CUX1: variants seen among roughly 807,000 people sequenced by gnomAD.
CUX1 encodes the protein protein CASP.
In CUX1, 31 loss-of-function variants were observed where a neutral mutation model predicts 158.8. That is an observed-to-expected ratio of 0.20 (90% CI 0.15 to 0.26). The LOEUF (loss-of-function observed/expected upper bound fraction) is 0.26. CUX1 is among the 10% of genes least tolerant of loss of function. The pLI is 1.00. For synonymous variants in CUX1, 879 were observed against 862.1 expected, an observed-to-expected ratio of 1.02 and a Z score of -0.34; for missense variants, 1,589 against 2,014.6, an observed-to-expected ratio of 0.79 and a Z score of 4.04.
chr7:102,022,212 C>T (rs1819460805), intron 2 of CUX1, among the ~76,000 whole-genome samples: 1 of 152,182 alleles, frequency 6.6e-6, no homozygotes, highest in African/African-American at 2.4e-5. Flanking sequence ...TTTGCTTTTA[C>T]ATCAGAATGG....
rs1192072134 is a variant in CUX1 at position 101,939,055 on chromosome 7, ATACATATATATATATATATATAT to A, written c.141+22831_141+22853del. Among the ~76,000 whole-genome samples the A allele has an allele frequency of 3.7e-4, 29 of 77,466 alleles. 1 individual carries two copies. Among genetic ancestry groups the A allele is most frequent in the Non-Finnish European group, 3.1e-4 (14 of 44,582 alleles). The allele number at this position is 77,466 out of a possible 152,430, so 50.8% of individuals were successfully genotyped here. ...AAACTCTGTCTCAAAAAAAAAAAAA[ATACATATATATATATATATATAT>A]ATATATATATATATATATATATATA... is the stretch of plus-strand genomic sequence containing the variant. On this transcript the variant is annotated intron_variant, in intron 2 of 23. Coordinates refer to ENST00000292535, the MANE Select transcript of CUX1 (RefSeq NM_181552.4).
intron 8 of CUX1, among the ~76,000 whole-genome samples, chr7:102,119,670 C>T (rs1704937549): frequency 6.6e-6 from 1 of 152,166 alleles, no homozygotes; most frequent in Non-Finnish European, 1.5e-5. Context: ...CGATTATAAC[C>T]ATTTCTGGGT....
At chr7:102,133,271 C>A (rs1833524137) in intron 8 of CUX1, among the ~76,000 whole-genome samples, 1 of 152,022 alleles carries the variant, frequency 6.6e-6, no homozygotes, top group Admixed American at 6.6e-5. Context: ...CCAGGCCTTT[C>A]TTTCCCCAGC....
intron 3 of CUX1, among the ~76,000 whole-genome samples, chr7:102,045,377 C>T (rs1177818798): frequency 1.3e-5 from 2 of 152,244 alleles, no homozygotes; most frequent in African/African-American, 4.8e-5. Context: ...GCGCTCTCAG[C>T]AGTCTATTAA....
chr7:102,153,622 A>G (rs376042809), intron 8 of CUX1: 1 of 152,212 alleles, frequency 6.6e-6, no homozygotes, highest in South Asian at 2.1e-4. Context: ...CTTCCTTCCT[A>G]TGTTCGGCAG....
At chr7:102,175,372 CAG>C (rs1554511561) in intron 10 of CUX1, among the ~76,000 whole-genome samples, 2 of 152,208 alleles carry the variant, frequency 1.3e-5, no homozygotes, top group Admixed American at 6.5e-5. Context: ...CAGCACCCCT[CAG>C]GGTGGAAGAT....
At chr7:102,182,115 T>G (rs1212894197) in intron 11 of CUX1, among the ~76,000 whole-genome samples, 1 of 152,220 alleles carries the variant, frequency 6.6e-6, no homozygotes, top group Non-Finnish European at 1.5e-5. Context: ...GGTTGCTGTT[T>G]GGGAGAGGAG....
rs782241172 is a variant in CUX1, at chr7:102,248,967, C to T, written c.4443C>T (p.Ala1481=). 2.0e-6 allele frequency: 3 copies of T among 1,478,186 alleles called. No homozygotes were observed. Among genetic ancestry groups the T allele is most frequent in the Non-Finnish European group, 1.8e-6 (2 of 1,108,618 alleles). 91.6% of individuals were successfully genotyped at this position (1,478,186 alleles called of 1,614,324 possible). A position where few individuals can be genotyped will look rare whatever the true frequency, so the allele number is the denominator to read the frequency against. Reference sequence around the variant, plus strand: ...ACAACCCCCTGCGCAAGAAGAAGGCCGCGAACTTGAACAGCATCATCCACC... The same window carrying T: ...ACAACCCCCTGCGCAAGAAGAAGGCTGCGAACTTGAACAGCATCATCCACC... The part of the protein sequence containing the change: ...SRDNPLRKKK[A]ANLNSIIHRL... Residue 1481 remains alanine, a synonymous_variant, in exon 24 of 24, where the codon GCC becomes GCT. Coordinates refer to ENST00000292535, the MANE Select transcript of CUX1 (RefSeq NM_181552.4). This position sits in a 1 kb window ranked among gnomAD's most constrained non-coding sequence, Gnocchi z 5.8.
At chr7:102,258,796 A>G (rs1790159946), downstream of CUX1, among the ~76,000 whole-genome samples, 1 of 152,202 alleles carries the variant, frequency 6.6e-6, no homozygotes, top group South Asian at 2.1e-4. Flanking sequence ...GATGTAACAG[A>G]AAGACAAGTG....
chr7:102,096,461 C>G (rs868990386), intron 4 of CUX1, among the ~76,000 whole-genome samples: 1 of 152,180 alleles, frequency 6.6e-6, no homozygotes, highest in Non-Finnish European at 1.5e-5. Flanking sequence ...CGCCTGTAAT[C>G]CTTTGGGAGG....
intron 14 of CUX1, among the ~76,000 whole-genome samples, chr7:102,267,568 G>A (rs927960503): frequency 1.3e-5 from 2 of 152,056 alleles, no homozygotes; most frequent in Non-Finnish European, 1.5e-5. Flanking sequence ...GGGGCCCCTC[G>A]CGCCTTCAGG....
chr7:101,998,356 A>G (rs148442489), intron 2 of CUX1, among the ~76,000 whole-genome samples: 1 of 152,196 alleles, frequency 6.6e-6, no homozygotes, highest in Non-Finnish European at 1.5e-5. Context: ...GTAGGTGCAC[A>G]TTTACCGAGT....
At chr7:101,861,444 A>T (rs1038221018) in intron 1 of CUX1, among the ~76,000 whole-genome samples, 5 of 152,178 alleles carry the variant, frequency 3.3e-5, no homozygotes, top group African/African-American at 4.8e-5. Context: ...ATCTTTTGGA[A>T]TGGAAATGGT....
At chr7:101,940,382 CG>C (rs1016626628) in intron 2 of CUX1, among the ~76,000 whole-genome samples, 5 of 152,218 alleles carry the variant, frequency 3.3e-5, no homozygotes, top group Middle Eastern at 3.4e-3. Context: ...CCCTGACCCC[CG>C]CTGGGGGTGC....
chr7:102,235,337 T>C (rs565066517), intron 22 of CUX1, among the ~76,000 whole-genome samples: 3 of 152,314 alleles, frequency 2.0e-5, no homozygotes, highest in South Asian at 4.1e-4. Flanking sequence ...GGGAACCAGC[T>C]GCTGCCGGTC....
At chr7:102,267,999 T>C (rs1554545436) in intron 14 of CUX1, among the ~76,000 whole-genome samples, 1 of 152,132 alleles carries the variant, frequency 6.6e-6, no homozygotes, top group Non-Finnish European at 1.5e-5. Flanking sequence ...GATGCTTTGA[T>C]TCCCTCCTCC....
intron 20 of CUX1, among the ~76,000 whole-genome samples, chr7:102,207,012 A>AT (rs782677065): frequency 6.6e-6 from 1 of 152,210 alleles, no homozygotes; most frequent in Non-Finnish European, 1.5e-5. Flanking sequence ...TCCTTGAAGA[A>AT]TGACGTTTTA....
In CUX1 at chr7:102,252,725, C is replaced by T; in HGVS notation, c.*3683C>T. ...CTTCCACCCCAGAGGAGTCTTCTGT[C>T]CTCCTCCCCAACCCCCGAGCTCCCT... On this transcript the variant is annotated 3_prime_UTR_variant, in exon 24 of 24. Coordinates refer to ENST00000292535, the MANE Select transcript of CUX1 (RefSeq NM_181552.4). The T allele has an allele frequency of 1.0e-6, 1 of 985,482 alleles. No individual in the cohort carries two copies. The highest frequency in any genetic ancestry group is 1.2e-6 in the Non-Finnish European group (1 of 829,982). The allele number at this position is 985,482 out of a possible 1,614,324, so 61.0% of individuals were successfully genotyped here.
intron 14 of CUX1, among the ~76,000 whole-genome samples, chr7:102,266,219 A>AG (rs1554545040): frequency 0.015 from 2,148 of 147,470 alleles, 63 homozygotes; most frequent in African/African-American, 0.052. Context: ...AAAAAAAAAA[A>AG]AGAGAGAGAG....
Sources: gnomAD v4.1 joint callset for allele counts (sites outside exome capture counted in the v4.1 genomes callset) on GRCh38, gnomAD v4.1.1 for gene constraint, Gnocchi (gnomAD v3.1) non-coding constraint, MANE v1.5 for transcripts, NCBI Gene and HGNC (gene_info 2026-07-23, HGNC 2026-07-21) for gene names.